NRG3: variants seen among roughly 807,000 people sequenced by gnomAD.
The protein encoded by NRG3 is neuregulin 3, also known as pro-neuregulin-3, membrane-bound isoform.
NRG3 carries 31 observed loss-of-function variants against 66.9 expected under a neutral mutation model. The observed-to-expected ratio is 0.46, with a 90% CI of 0.35 to 0.63. NRG3 has a LOEUF of 0.63. Ranked by LOEUF, NRG3 falls within the 20% of genes least tolerant of loss-of-function variation. The pLI, the probability that NRG3 is intolerant of heterozygous loss-of-function variation, is 0.00. For missense variants in NRG3, 910 were observed against 878.9 expected (o/e 1.04, Z -0.45); for synonymous variants, 393 against 359.4 (o/e 1.09, Z -1.06).
chr10:82,851,301 C>G (rs1040095517), intron 3 of NRG3, among the ~76,000 whole-genome samples: 1 of 152,090 alleles, frequency 6.6e-6, no homozygotes, highest in African/African-American at 2.4e-5. Context: ...CATTGGTGCT[C>G]TTGGAGGACA....
intron 6 of NRG3, among the ~76,000 whole-genome samples, chr10:82,959,521 T>C (rs547422188): frequency 5.9e-5 from 9 of 152,002 alleles, no homozygotes; most frequent in East Asian, 5.8e-4. Flanking sequence ...AGGAAGCCAG[T>C]GGGAGGTGGA....
At chr10:82,423,282 G>T (rs2089204897) in intron 2 of NRG3, among the ~76,000 whole-genome samples, 1 of 151,862 alleles carries the variant, frequency 6.6e-6, no homozygotes. Flanking sequence ...CAGATAATCT[G>T]TATTATACTA....
chr10:82,810,292 T>C (rs1204628847), intron 3 of NRG3, among the ~76,000 whole-genome samples: 1 of 152,212 alleles, frequency 6.6e-6, no homozygotes, highest in Admixed American at 6.5e-5. Context: ...TTTTTATACT[T>C]AAGTATAAAA....
At chr10:81,990,934 T>A (rs1374608245) in intron 1 of NRG3, among the ~76,000 whole-genome samples, 1 of 152,210 alleles carries the variant, frequency 6.6e-6, no homozygotes, top group Non-Finnish European at 1.5e-5. Context: ...TTGCAAATGT[T>A]AAATTGGTTG....
chr10:82,411,201 C>T (rs776602752), intron 2 of NRG3, among the ~76,000 whole-genome samples: 6 of 151,970 alleles, frequency 3.9e-5, no homozygotes, highest in Non-Finnish European at 8.8e-5. Context: ...CAGGGGATTA[C>T]AAAGTGCTGG....
At chr10:82,534,082 G>A (rs904828005) in intron 2 of NRG3, among the ~76,000 whole-genome samples, 2 of 152,054 alleles carry the variant, frequency 1.3e-5, no homozygotes, top group East Asian at 1.9e-4. Flanking sequence ...TAAATTACTT[G>A]TATATTTAAA....
At chr10:82,213,236 G>A (rs1473614984) in intron 1 of NRG3, among the ~76,000 whole-genome samples, 1 of 152,142 alleles carries the variant, frequency 6.6e-6, no homozygotes, top group African/African-American at 2.4e-5. Context: ...TTGAGGAGTA[G>A]AAAAGAATAA....
At chr10:82,019,536 G>C (rs2061958656) in intron 1 of NRG3, among the ~76,000 whole-genome samples, 1 of 152,100 alleles carries the variant, frequency 6.6e-6, no homozygotes, top group Non-Finnish European at 1.5e-5. Context: ...TTGTACCTCT[G>C]GTAGAATTCG....
At chr10:82,886,015 G>C (rs1842693447) in intron 4 of NRG3, among the ~76,000 whole-genome samples, 1 of 152,120 alleles carries the variant, frequency 6.6e-6, no homozygotes, top group Admixed American at 6.6e-5. Flanking sequence ...GGGACTACAT[G>C]CATGCGCCAC....
At chr10:81,914,769 C>CAAAAAAAAAAAAAAA (rs58460918) in intron 1 of NRG3, among the ~76,000 whole-genome samples, 5 of 67,182 alleles carry the variant, frequency 7.4e-5, no homozygotes, top group East Asian at 4.3e-4. Context: ...AAACAGAAAG[C>CAAAAAAAAAAAAAAA]AAAAAAAAAA....
chr10:82,792,584 A>G (rs1303485768), intron 3 of NRG3, among the ~76,000 whole-genome samples: 1 of 152,094 alleles, frequency 6.6e-6, no homozygotes, highest in Non-Finnish European at 1.5e-5. Context: ...AATTTTAAAT[A>G]TTGTCTTCCA....
chr10:82,702,683 T>G (rs909652675), intron 2 of NRG3, among the ~76,000 whole-genome samples: 1 of 152,106 alleles, frequency 6.6e-6, no homozygotes, highest in African/African-American at 2.4e-5. Context: ...GGCACAAGTG[T>G]TGTTGTTGTT....
chr10:81,985,513 C>T (rs552620354), intron 1 of NRG3, among the ~76,000 whole-genome samples: 1 of 152,286 alleles, frequency 6.6e-6, no homozygotes, highest in Non-Finnish European at 1.5e-5. Flanking sequence ...CTAACACATC[C>T]CAGCAATTCT....
At chr10:82,276,574 A>G (rs551353986) in intron 1 of NRG3, among the ~76,000 whole-genome samples, 1 of 152,176 alleles carries the variant, frequency 6.6e-6, no homozygotes, top group East Asian at 1.9e-4. Flanking sequence ...AAATAATGCA[A>G]CCAATGTTTT....
At chr10:82,869,370 T>A (rs944694326) in intron 4 of NRG3, among the ~76,000 whole-genome samples, 1 of 152,150 alleles carries the variant, frequency 6.6e-6, no homozygotes, top group Non-Finnish European at 1.5e-5. Context: ...TAAACCTACA[T>A]TGACTCATCA....
At chr10:82,490,661 A>C (rs992999823) in intron 2 of NRG3, among the ~76,000 whole-genome samples, 1 of 152,054 alleles carries the variant, frequency 6.6e-6, no homozygotes, top group East Asian at 1.9e-4. Context: ...TGTATTTGCA[A>C]ATGTCTACCT....
chr10:81,877,999 G>T (rs370443951), intron 1 of NRG3: 12 of 1,537,636 alleles, frequency 7.8e-6, no homozygotes, highest in Non-Finnish European at 1.0e-5. Context: ...TATGCGTTGG[G>T]AGAGGAGGGG....
At chr10:82,972,562 A>G (rs1010614301) in intron 6 of NRG3, among the ~76,000 whole-genome samples, 1 of 152,162 alleles carries the variant, frequency 6.6e-6, no homozygotes, top group Non-Finnish European at 1.5e-5. Flanking sequence ...ATGTAAATAT[A>G]AGACTACAAG....
chr10:82,566,869 G>A (rs1382185814), intron 2 of NRG3, among the ~76,000 whole-genome samples: 2 of 151,986 alleles, frequency 1.3e-5, no homozygotes, highest in African/African-American at 4.8e-5. Flanking sequence ...GTCAATACAA[G>A]ATAATCACTG....
Sources: allele counts gnomAD v4.1 joint callset (sites outside exome capture counted in the v4.1 genomes callset), GRCh38; gene constraint gnomAD v4.1.1; transcripts MANE v1.5; gene names NCBI Gene and HGNC (gene_info 2026-07-23, HGNC 2026-07-21).